The following TFEC variants were observed in gnomAD, a reference collection of about 807,000 sequenced individuals.
The protein encoded by TFEC is transcription factor EC.
A neutral mutation model predicts 41.6 loss-of-function variants in TFEC; 31 were observed. That is an observed-to-expected ratio of 0.74 (90% CI 0.56 to 1.01). The LOEUF is 1.01. TFEC is among the 50% of genes least tolerant of loss of function. The probability of loss-of-function intolerance (pLI) is 0.00; values close to 1 mark genes in which losing one functional copy is unlikely to be tolerated. For synonymous variants in TFEC, 143 were observed against 140.6 expected (o/e 1.02, Z -0.12); for missense variants, 402 against 404.1 (o/e 0.99, Z 0.04).
chr7:116,089,448 A>T (rs527653297), intron 3 of TFEC, among the ~76,000 whole-genome samples: 9 of 152,254 alleles, frequency 5.9e-5, no homozygotes, highest in Admixed American at 5.9e-4. Flanking sequence ...GAGACCATTA[A>T]AAAGTTTTTG....
At chr7:116,028,608 C>A (rs867816417) in intron 1 of TFEC, among the ~76,000 whole-genome samples, 1 of 152,182 alleles carries the variant, frequency 6.6e-6, no homozygotes. Flanking sequence ...TTTGTAAACA[C>A]CACCTTTCTG....
rs768593384 is a variant in TFEC, at chr7:115,939,157, T to C, written c.*1394A>G. 1.3e-5 allele frequency: 2 copies of C among 152,024 alleles called. No homozygotes were observed. Among genetic ancestry groups the C allele is most frequent in the Non-Finnish European group, 2.9e-5 (2 of 67,976 alleles). The allele number at this position is 152,024 out of a possible 1,614,324, so 9.4% of individuals were successfully genotyped here. On this transcript the variant is annotated 3_prime_UTR_variant, in exon 8 of 8. Coordinates refer to ENST00000265440, the MANE Select transcript of TFEC (RefSeq NM_012252.4). ...TGTCTTCTATCTTTTGTTTTTGTTTTTCATGCATTCTCATTAACTACCTTA... is the reference window on the plus strand; with the variant it reads ...TGTCTTCTATCTTTTGTTTTTGTTTCTCATGCATTCTCATTAACTACCTTA...
At chr7:116,005,488 T>C (rs906004549) in intron 1 of TFEC, among the ~76,000 whole-genome samples, 7 of 152,180 alleles carry the variant, frequency 4.6e-5, no homozygotes, top group African/African-American at 1.4e-4. Flanking sequence ...CTGTAGAGAT[T>C]TGTGGAACTT....
At chr7:115,944,696 C>G (rs1791430511) in intron 6 of TFEC, among the ~76,000 whole-genome samples, 1 of 151,504 alleles carries the variant, frequency 6.6e-6, no homozygotes, top group Non-Finnish European at 1.5e-5. Context: ...GCTATATGCC[C>G]AAGAGTATAT....
rs182022966 is a variant in TFEC, at chr7:115,990,434, T to C, written c.-72-5921A>G. ...GAAGATCGGTAATAACAAACTTCCC[T>C]GAGCTAAAGGAGGATGTTCGAACTC... On this transcript the variant is annotated intron_variant, in intron 1 of 7. Transcript: ENST00000265440. 1.8e-3 allele frequency among the ~76,000 whole-genome samples: 281 copies of C among 152,154 alleles called. 2 individuals are homozygous for C. The highest frequency in any genetic ancestry group is 6.5e-3 in the African/African-American group (272 of 41,546).
intron 1 of TFEC, among the ~76,000 whole-genome samples, chr7:116,004,088 C>T (rs1056544897): frequency 6.6e-6 from 1 of 151,804 alleles, no homozygotes; most frequent in African/African-American, 2.4e-5. Flanking sequence ...AAGAACAAAT[C>T]AAATCCAGAG....
chr7:116,108,003 T>C (rs1797760167), intron 3 of TFEC, among the ~76,000 whole-genome samples: 1 of 152,182 alleles, frequency 6.6e-6, no homozygotes, highest in African/African-American at 2.4e-5. Context: ...AGGATAATGA[T>C]GAGGAGGACT....
chr7:116,068,588 T>C (rs1796750974), intron 3 of TFEC, among the ~76,000 whole-genome samples: 1 of 151,662 alleles, frequency 6.6e-6, no homozygotes, highest in Admixed American at 6.6e-5. Flanking sequence ...TTGGAATAAT[T>C]AACAAAATAA....
At chr7:116,073,056 GTT>G (rs1562959628) in intron 3 of TFEC, among the ~76,000 whole-genome samples, 4 of 151,398 alleles carry the variant, frequency 2.6e-5, no homozygotes, top group Non-Finnish European at 5.9e-5. Flanking sequence ...TACTATCTCT[GTT>G]TGTAGATGGC....
At chr7:116,051,379 A>G (rs537927531) in intron 3 of TFEC, among the ~76,000 whole-genome samples, 1 of 152,346 alleles carries the variant, frequency 6.6e-6, no homozygotes, top group African/African-American at 2.4e-5. Flanking sequence ...CTGAGGGATA[A>G]GAGTTCAAGT....
At chr7:116,135,808 T>C (rs1256357581) in intron 1 of TFEC, among the ~76,000 whole-genome samples, 1 of 152,108 alleles carries the variant, frequency 6.6e-6, no homozygotes, top group African/African-American at 2.4e-5. Context: ...GATGAGGGCT[T>C]ATAGATATAG....
intron 1 of TFEC, among the ~76,000 whole-genome samples, chr7:116,135,200 A>G (rs1457574514): frequency 1.3e-5 from 2 of 152,136 alleles, no homozygotes; most frequent in African/African-American, 4.8e-5. Context: ...TAGAAGCCTG[A>G]ATAAAACTTT....
intron 1 of TFEC, among the ~76,000 whole-genome samples, chr7:116,116,273 G>C (rs1366129614): frequency 6.6e-6 from 1 of 151,854 alleles, no homozygotes; most frequent in East Asian, 1.9e-4. Context: ...GTTTAGCTTG[G>C]AGAAGAAAAG....
intron 3 of TFEC, among the ~76,000 whole-genome samples, chr7:115,967,712 G>A (rs975413219): frequency 2.6e-5 from 4 of 151,712 alleles, no homozygotes; most frequent in African/African-American, 4.8e-5. Context: ...CCTGTCCTTG[G>A]TGAGCTGGTT....
Position 116,059,109 on chromosome 7 carries a change from C to T in TFEC, c.198+51599G>A, listed in dbSNP as rs140496963. Among the ~76,000 whole-genome samples, 30 of 151,754 alleles carry T rather than the reference C, an allele frequency of 2.0e-4. 1 individual carries two copies. Among genetic ancestry groups the T allele is most frequent in the East Asian group, 5.8e-4 (3 of 5,178 alleles). On this transcript the variant is annotated intron_variant, in intron 3 of 8. Transcript: ENST00000484212. ...TATTCTTTAAGAAAATCAATAACAT[C>T]GACACTCTTTTAGCAAGATCATAAA...
intron 6 of TFEC, 121 bp downstream of exon 6, chr7:115,950,753 T>C: frequency 1.5e-6 from 1 of 645,198 alleles, no homozygotes; most frequent in Non-Finnish European, 2.6e-6. Context: ...AGCAATAGCC[T>C]TATTTTTGCT....
chr7:115,975,134 T>G lies in TFEC; in HGVS notation c.181-878A>C, dbSNP rs1793323467. On this transcript the variant is annotated intron_variant, in intron 2 of 7. Coordinates refer to ENST00000265440, the MANE Select transcript of TFEC (RefSeq NM_012252.4). ...GGCTTTCTATTTCCTTTCTCAGTTCTTTTCTAAAATAGAAACTTTCCTTCC... is the reference window on the plus strand; with the variant it reads ...GGCTTTCTATTTCCTTTCTCAGTTCGTTTCTAAAATAGAAACTTTCCTTCC... 3.3e-5 allele frequency among the ~76,000 whole-genome samples: 5 copies of G among 152,232 alleles called. 1 individual carries two copies. Among genetic ancestry groups the G allele is most frequent in the Admixed American group, 3.3e-4 (5 of 15,268 alleles).
intron 5 of TFEC, among the ~76,000 whole-genome samples, chr7:115,953,729 G>C (rs1002171562): frequency 1.3e-5 from 2 of 152,002 alleles, no homozygotes; most frequent in African/African-American, 4.8e-5. Flanking sequence ...ATGACCATGT[G>C]CCAGCTCTTG....
intron 2 of TFEC, among the ~76,000 whole-genome samples, chr7:115,978,159 C>A (rs1383827227): frequency 6.6e-6 from 1 of 151,840 alleles, no homozygotes; most frequent in Non-Finnish European, 1.5e-5. Flanking sequence ...ATAAGAGACA[C>A]ACTTAAAAGT....
Sources: gnomAD v4.1 joint callset for allele counts (sites outside exome capture counted in the v4.1 genomes callset) on GRCh38, gnomAD v4.1.1 for gene constraint, MANE v1.5 for transcripts, NCBI Gene and HGNC (gene_info 2026-07-23, HGNC 2026-07-21) for gene names.